AK7: variants seen among roughly 807,000 people sequenced by gnomAD.
AK7 encodes ATP-AMP transphosphorylase 7.
A neutral mutation model predicts 96.6 loss-of-function variants in AK7; 78 were observed. That is an observed-to-expected ratio of 0.81 (90% confidence interval 0.67 to 0.97). The LOEUF (loss-of-function observed/expected upper bound fraction) is 0.97, where lower values mean the gene tolerates loss of function less well. Ranked by LOEUF, AK7 falls within the 50% of genes least tolerant of loss-of-function variation. The pLI, the probability that AK7 is intolerant of heterozygous loss-of-function variation, is 0.00. For missense variants in AK7, 855 were observed against 887.9 expected (o/e 0.96, Z 0.47); for synonymous variants, 302 against 317.2 (o/e 0.95, Z 0.51).
chr14:96,421,875 G>A (rs1218724483), intron 5 of AK7, among the ~76,000 whole-genome samples: 2 of 152,198 alleles, frequency 1.3e-5, no homozygotes, highest in African/African-American at 4.8e-5. Flanking sequence ...AAAGTGTTGG[G>A]ATTACGGGCA....
intron 7 of AK7, among the ~76,000 whole-genome samples, chr14:96,443,412 A>T (rs1328466058): frequency 6.6e-6 from 1 of 151,934 alleles, no homozygotes; most frequent in Non-Finnish European, 1.5e-5. Flanking sequence ...TCATTCTGTC[A>T]CCCCTGTGGC....
chr14:96,400,523 C>T (rs948188636), intron 2 of AK7, among the ~76,000 whole-genome samples: 59 of 152,368 alleles, frequency 3.9e-4, no homozygotes, highest in Middle Eastern at 3.4e-3. Flanking sequence ...GGCTTCAGAG[C>T]TGATCCACAG....
intron 4 of AK7, among the ~76,000 whole-genome samples, chr14:96,415,111 A>G (rs569380161): frequency 6.6e-6 from 1 of 152,066 alleles, no homozygotes; most frequent in Admixed American, 6.5e-5. Flanking sequence ...TTGAGGGGCT[A>G]AAAGCAAAGG....
rs931669486 is a variant in AK7 at position 96,488,210 on chromosome 14, G to A, written c.2134-95G>A. 4.0e-6 allele frequency: 5 copies of A among 1,236,718 alleles called. No individual in the cohort carries two copies. The African/African-American group carries it at 7.5e-5, about 19-fold the overall frequency. The allele number at this position is 1,236,718 out of a possible 1,614,324, so 76.6% of individuals were successfully genotyped here. ...TTACAGGCATGAGCCACCAAGCTTG[G>A]CCCAGGATGATTTTTAAATTGTAAA... On this transcript the variant is annotated intron_variant, in intron 17 of 17. Coordinates refer to ENST00000267584, the MANE Select transcript of AK7 (RefSeq NM_152327.5).
At chr14:96,397,990 A>G (rs41301765) in intron 1 of AK7, 85 bp from the exon 2 acceptor site, 66,246 of 1,402,730 alleles carry the variant, frequency 0.047, 1,858 homozygotes, top group South Asian at 0.097. Context: ...AGCACTCGGG[A>G]AAGGTAAGTT....
intron 4 of AK7, 79 bp downstream of exon 4, chr14:96,409,020 A>G (rs1296457985): frequency 3.5e-6 from 5 of 1,437,446 alleles, no homozygotes; most frequent in Non-Finnish European, 4.8e-6. Context: ...GGAACTTCCT[A>G]TGGCGAGTTG....
chr14:96,488,834 T>C lies in AK7; in HGVS notation c.*491T>C, dbSNP rs1895917724. On this transcript the variant is annotated 3_prime_UTR_variant, in exon 18 of 18. Coordinates refer to ENST00000267584, the MANE Select transcript of AK7 (RefSeq NM_152327.5). The stretch of plus-strand genomic sequence containing the variant: ...GTGCCTGTAAGGTGGCTTTTTTTTT[T>C]TTTTTTTTTAAATGAAGCAATGGTT... 2 of 151,968 alleles carry C rather than the reference T, an allele frequency of 1.3e-5. No homozygotes were observed. The highest frequency in any genetic ancestry group is 4.8e-5 in the African/African-American group (2 of 41,388). The allele number at this position is 151,968 out of a possible 1,614,324, so 9.4% of individuals were successfully genotyped here.
Position 96,396,270 on chromosome 14 carries a change from G to A in AK7, c.106-1805G>A, listed in dbSNP as rs537771267. 4.4e-3 allele frequency among the ~76,000 whole-genome samples: 675 copies of A among 152,196 alleles called. 2 individuals are homozygous for A. Among genetic ancestry groups the A allele is most frequent in the Middle Eastern group, 6.8e-3 (2 of 294 alleles). ...TCTAGTTGGTCCTTAATTAATTAGG[G>A]CCTTTCTCAAATTCCAGGTAATTAC... is the stretch of plus-strand genomic sequence containing the variant. On this transcript the variant is annotated intron_variant, in intron 1 of 17. Transcript: ENST00000267584.
chr14:96,424,762 T>TA (rs1040079247), intron 5 of AK7, among the ~76,000 whole-genome samples: 8 of 152,208 alleles, frequency 5.3e-5, no homozygotes, highest in Non-Finnish European at 1.2e-4. Flanking sequence ...CTTCTGGGCT[T>TA]AAAATAAGTA....
At chr14:96,441,351 G>T (rs1246905176) in intron 6 of AK7, among the ~76,000 whole-genome samples, 1 of 150,932 alleles carries the variant, frequency 6.6e-6, no homozygotes. Context: ...TGTGAGGAAG[G>T]TATGAGGCCA....
chr14:96,432,286 A>G (rs566762595), intron 5 of AK7, among the ~76,000 whole-genome samples: 105 of 146,490 alleles, frequency 7.2e-4, no homozygotes, highest in Admixed American at 1.6e-3. Context: ...GTGTCTCTGC[A>G]CATGAGATGG....
rs373955939 is a variant in AK7 at position 96,442,771 on chromosome 14, C to T, written c.732C>T (p.Gly244=). ...AGATTCCTGCATTACCAGTTTTTGG[C>T]GATGGAACAAATGTAATTCCAACAA... ...LGEIPALPVF[G]DGTNVIPTIH... is the part of the protein sequence containing the mutation. Residue 244 remains glycine (G), a synonymous_variant, in exon 7 of 18, where the codon GGC becomes GGT. Coordinates refer to ENST00000267584, the MANE Select transcript of AK7 (RefSeq NM_152327.5). 9.9e-6 allele frequency: 16 copies of T among 1,614,038 alleles called. No homozygotes were observed. Among genetic ancestry groups the T allele is most frequent in the East Asian group, 2.2e-5 (1 of 44,900 alleles).
intron 1 of AK7, among the ~76,000 whole-genome samples, chr14:96,394,848 C>T (rs772133730): frequency 1.2e-4 from 18 of 152,096 alleles, no homozygotes; most frequent in Non-Finnish European, 2.2e-4. Context: ...TGGTGGCTTG[C>T]GCCTGTAATC....
intron 4 of AK7, among the ~76,000 whole-genome samples, chr14:96,420,546 A>G (rs919929419): frequency 4.6e-5 from 7 of 151,562 alleles, no homozygotes; most frequent in Non-Finnish European, 8.8e-5. Flanking sequence ...ATGAAATATA[A>G]TAAAATAAAA....
intron 1 of AK7, among the ~76,000 whole-genome samples, chr14:96,395,694 G>C (rs1355905785): frequency 7.5e-6 from 1 of 132,500 alleles, no homozygotes; most frequent in African/African-American, 2.9e-5. Flanking sequence ...GGTATACATA[G>C]GGCAGAGTAA....
chr14:96,394,124 G>A (rs1889920043), intron 1 of AK7, among the ~76,000 whole-genome samples: 1 of 151,306 alleles, frequency 6.6e-6, no homozygotes, highest in South Asian at 2.1e-4. Context: ...AAAAAAAAAT[G>A]GTGACATTTA....
At chr14:96,414,424 A>G (rs1891207580) in intron 4 of AK7, among the ~76,000 whole-genome samples, 1 of 152,256 alleles carries the variant, frequency 6.6e-6, no homozygotes, top group African/African-American at 2.4e-5. Context: ...CACAGAGGAA[A>G]GATGGCCAGG....
intron 5 of AK7, chr14:96,423,645 A>C: frequency 1.6e-6 from 1 of 608,664 alleles, no homozygotes; most frequent in Non-Finnish European, 3.1e-6. Context: ...ACTGAACTGG[A>C]GAACACAGCT....
At chr14:96,481,843 T>G (rs1267225465) in intron 15 of AK7, among the ~76,000 whole-genome samples, 1 of 151,610 alleles carries the variant, frequency 6.6e-6, no homozygotes, top group East Asian at 1.9e-4. Context: ...TAGCTGGAAC[T>G]ACAGGTGTGC....
Sources: allele counts gnomAD v4.1 joint callset (sites outside exome capture counted in the v4.1 genomes callset), GRCh38; gene constraint gnomAD v4.1.1; transcripts MANE v1.5; gene names NCBI Gene and HGNC (gene_info 2026-07-23, HGNC 2026-07-21).